The following TRPC4 variants were observed in gnomAD, a reference collection of about 807,000 sequenced individuals.
The protein encoded by TRPC4 is short transient receptor potential channel 4.
A neutral mutation model predicts 99.4 loss-of-function variants in TRPC4; 49 were observed. The ratio of observed to expected loss-of-function variants is 0.49; its 90% confidence interval spans 0.39 to 0.63. The LOEUF (loss-of-function observed/expected upper bound fraction) is 0.63, where lower values mean the gene tolerates loss of function less well. Among genes scored for constraint, TRPC4 ranks in the 20% least tolerant of loss-of-function variants. TRPC4 has a pLI of 0.00. For missense variants in TRPC4, 898 were observed against 1,152.9 expected (o/e 0.78, Z 3.20); for synonymous variants, 454 against 425.9 (o/e 1.07, Z -0.81).
At chr13:37,719,676 T>C (rs921752465) in intron 3 of TRPC4, among the ~76,000 whole-genome samples, 1 of 152,052 alleles carries the variant, frequency 6.6e-6, no homozygotes, top group South Asian at 2.1e-4. Context: ...GTGGGGTAAA[T>C]GGGCCTTTTC....
chr13:37,833,231 T>A (rs1958470757), intron 1 of TRPC4, among the ~76,000 whole-genome samples: 1 of 152,190 alleles, frequency 6.6e-6, no homozygotes, highest in Middle Eastern at 3.2e-3. Flanking sequence ...TTTTTTCTGA[T>A]TATTTTCCTG....
intron 2 of TRPC4, among the ~76,000 whole-genome samples, chr13:37,748,456 T>A (rs145908373): frequency 6.6e-6 from 1 of 152,106 alleles, no homozygotes. Flanking sequence ...GTATAATATA[T>A]CCATACAGAA....
At chr13:37,664,496 C>A (rs1952569637) in intron 5 of TRPC4, among the ~76,000 whole-genome samples, 1 of 151,946 alleles carries the variant, frequency 6.6e-6, no homozygotes, top group African/African-American at 2.4e-5. Flanking sequence ...ATCACTTGAA[C>A]TTGGGAGACT....
At position 37,639,105 on chromosome 13, in the gene TRPC4, G is replaced by T. The variant is rs1951631425; in HGVS notation, c.2146C>A (p.Arg716=). 2 of 1,613,612 alleles carry T rather than the reference G, an allele frequency of 1.2e-6. No individual in the cohort carries two copies. Among genetic ancestry groups the T allele is most frequent in the Non-Finnish European group, 1.7e-6 (2 of 1,179,616 alleles). ...TCTCTAATCATTGCAGCAACGTATC[G>T]CTTCACCAGGTTCCTCATAACTTCC... The part of the protein sequence containing the change: ...YQEVMRNLVK[R]YVAAMIRDAK... The change falls in exon 10 of 11, where the codon CGA becomes AGA. Residue 716 remains arginine (R), a synonymous_variant. Coordinates refer to ENST00000379705, the MANE Select transcript of TRPC4 (RefSeq NM_016179.4).
At chr13:37,819,966 T>A (rs547817322) in intron 1 of TRPC4, among the ~76,000 whole-genome samples, 7 of 150,718 alleles carry the variant, frequency 4.6e-5, no homozygotes, top group Admixed American at 1.3e-4. Flanking sequence ...CCAAAGGAAA[T>A]TGAGATGTAA....
At chr13:37,844,221 G>T (rs1292262008) in intron 1 of TRPC4, among the ~76,000 whole-genome samples, 1 of 152,120 alleles carries the variant, frequency 6.6e-6, no homozygotes, top group Non-Finnish European at 1.5e-5. Context: ...GGCTGATAAT[G>T]GTGTCAAACC....
rs533472419 is a variant in TRPC4, at chr13:37,637,735, G to A, written c.2212-110C>T. On this transcript the variant is annotated intron_variant, in intron 10 of 10. Transcript: ENST00000379705. ...TGTTTTCACTCCTTTTTAAAAACAA[G>A]GATTCTACTCTACTGTGGTTCTATT... The A allele has an allele frequency of 2.3e-5, 24 of 1,064,724 alleles. No individual in the cohort carries two copies. The South Asian group carries it at 4.1e-4, about 18-fold the overall frequency. 66.0% of individuals were successfully genotyped at this position (1,064,724 alleles called of 1,614,324 possible).
chr13:37,813,929 T>G (rs1187241911), intron 1 of TRPC4, among the ~76,000 whole-genome samples: 1 of 151,480 alleles, frequency 6.6e-6, no homozygotes, highest in Non-Finnish European at 1.5e-5. Flanking sequence ...ATAAAAAAAG[T>G]CCTAAGGATA....
chr13:37,841,835 T>TA (rs980305144), intron 1 of TRPC4, among the ~76,000 whole-genome samples: 4 of 152,132 alleles, frequency 2.6e-5, no homozygotes, highest in African/African-American at 9.7e-5. Flanking sequence ...ACAGTTTCTT[T>TA]AAAAATGAAG....
chr13:37,697,784 A>G lies in TRPC4; in HGVS notation c.898-5449T>C, dbSNP rs559341519. Among the ~76,000 whole-genome samples, 19 of 152,320 alleles carry G rather than the reference A, an allele frequency of 1.2e-4. No homozygotes were observed. The South Asian group carries it at 3.9e-3, about 32-fold the overall frequency. ...CATAGCATGATTCCTATGAATGTTA[A>G]AACTTGATAAACGCTGGTTTAAAGG... On this transcript the variant is annotated intron_variant, in intron 3 of 10. Coordinates refer to ENST00000379705, the MANE Select transcript of TRPC4 (RefSeq NM_016179.4).
At chr13:37,648,277 AT>A (rs1951911320) in intron 8 of TRPC4, among the ~76,000 whole-genome samples, 1 of 152,186 alleles carries the variant, frequency 6.6e-6, no homozygotes, top group Admixed American at 6.5e-5. Context: ...TTCCTTATAA[AT>A]TATACCTATC....
intron 2 of TRPC4, among the ~76,000 whole-genome samples, chr13:37,768,647 C>T (rs1217744919): frequency 7.1e-6 from 1 of 140,884 alleles, no homozygotes; most frequent in Non-Finnish European, 1.5e-5. Context: ...TTTTAATGTG[C>T]AAATACACAC....
intron 3 of TRPC4, among the ~76,000 whole-genome samples, chr13:37,734,387 G>A (rs1012680703): frequency 1.2e-4 from 19 of 152,074 alleles, no homozygotes; most frequent in African/African-American, 3.4e-4. Flanking sequence ...TTCTCATTTT[G>A]CCATTCTTAG....
At chr13:37,668,732 G>A (rs1952735211) in intron 5 of TRPC4, among the ~76,000 whole-genome samples, 1 of 152,106 alleles carries the variant, frequency 6.6e-6, no homozygotes, top group African/African-American at 2.4e-5. Flanking sequence ...ATAGAAATGA[G>A]TAAAAATTAA....
intron 6 of TRPC4, 117 bp from the exon 7 acceptor site, chr13:37,655,400 T>C: frequency 2.8e-6 from 1 of 359,000 alleles, no homozygotes. Context: ...ACTTAAACAT[T>C]AATATCAACA....
chr13:37,856,123 C>T (rs1048358800), intron 1 of TRPC4, among the ~76,000 whole-genome samples: 2 of 151,486 alleles, frequency 1.3e-5, no homozygotes, highest in African/African-American at 2.4e-5. Context: ...ACAAAACTGA[C>T]AAACCTCTGG....
At position 37,751,647 on chromosome 13, in the gene TRPC4, C is replaced by T. The variant is rs531935421; in HGVS notation, c.379-5192G>A. 4.6e-5 allele frequency among the ~76,000 whole-genome samples: 7 copies of T among 152,076 alleles called. No individual in the cohort carries two copies. In the East Asian group the frequency reaches 1.4e-3, roughly 30 times the overall value. On this transcript the variant is annotated intron_variant, in intron 2 of 10. Coordinates refer to ENST00000379705, the MANE Select transcript of TRPC4 (RefSeq NM_016179.4). The stretch of plus-strand genomic sequence containing the variant: ...CAGGCAATTCCCTTTCTTAAAACGG[C>T]TTATAATTACTTTGATTGATTCAAT...
chr13:37,650,940 A>T (rs952879289), intron 8 of TRPC4, among the ~76,000 whole-genome samples: 14 of 152,200 alleles, frequency 9.2e-5, no homozygotes, highest in Non-Finnish European at 1.6e-4. Flanking sequence ...CTGCTGTCAC[A>T]TTCTGAAAAG....
chr13:37,813,178 A>G (rs1039072140), intron 1 of TRPC4, among the ~76,000 whole-genome samples: 14 of 151,968 alleles, frequency 9.2e-5, no homozygotes, highest in African/African-American at 3.4e-4. Context: ...AGAAGAAATC[A>G]TAAGAGAAAT....
Sources: allele counts gnomAD v4.1 joint callset (sites outside exome capture counted in the v4.1 genomes callset), GRCh38; gene constraint gnomAD v4.1.1; transcripts MANE v1.5; gene names NCBI Gene and HGNC (gene_info 2026-07-23, HGNC 2026-07-21).